Variants in NOX5 observed in about 807,000 individuals in gnomAD.
NOX5 encodes the protein NADPH oxidase, EF-hand calcium binding domain 5.
NOX5 carries 76 observed loss-of-function variants against 85.7 expected under a neutral mutation model. The ratio of observed to expected loss-of-function variants is 0.89; its 90% confidence interval spans 0.74 to 1.07. NOX5 has a LOEUF of 1.07. Ranked by LOEUF, NOX5 falls within the 50% of genes least tolerant of loss-of-function variation. The probability of loss-of-function intolerance (pLI) is 0.00; values close to 1 mark genes in which losing one functional copy is unlikely to be tolerated. For missense variants in NOX5, 973 were observed against 999.5 expected, an observed-to-expected ratio of 0.97 and a Z score of 0.36; for synonymous variants, 405 against 401.4, an observed-to-expected ratio of 1.01 and a Z score of -0.11.
chr15:69,053,819 G>A (rs2050778437), intron 14 of NOX5, among the ~76,000 whole-genome samples: 1 of 152,080 alleles, frequency 6.6e-6, no homozygotes, highest in South Asian at 2.1e-4. Context: ...TCTGAGGGAG[G>A]GTAAGAAGCA....
chr15:69,033,214 C>T lies in NOX5; in HGVS notation c.792C>T (p.Gly264=), dbSNP rs1269885380. The T allele has an allele frequency of 1.3e-6, 2 of 1,597,410 alleles. No individual in the cohort carries two copies. The highest frequency in any genetic ancestry group is 4.5e-5 in the East Asian group (2 of 44,778). Residue 264 remains glycine (G), a synonymous_variant, in exon 5 of 16, where the codon GGC becomes GGT. Transcript: ENST00000388866. Reference sequence around the variant, plus strand: ...CGGCCAGCGCGCACCGGGACCTCGGCGCCAGCGTCATGGTGGCCAAGGGCT... The same window carrying T: ...CGGCCAGCGCGCACCGGGACCTCGGTGCCAGCGTCATGGTGGCCAAGGGCT... ...GLAASAHRDL[G]ASVMVAKGCG...
At chr15:69,045,223 G>A (rs2050646549) in intron 10 of NOX5, among the ~76,000 whole-genome samples, 1 of 152,186 alleles carries the variant, frequency 6.6e-6, no homozygotes, top group South Asian at 2.1e-4. Context: ...CCTAACTTTT[G>A]CGTAAGAACT....
chr15:69,023,311 T>A (rs867400616), intron 1 of NOX5: 1 of 258,166 alleles, frequency 3.9e-6, no homozygotes, highest in Non-Finnish European at 7.6e-6. Context: ...ATCTCAGCTT[T>A]CAAGATCACC....
At chr15:69,042,243 A>G (rs1293947801) in intron 9 of NOX5, among the ~76,000 whole-genome samples, 1 of 152,190 alleles carries the variant, frequency 6.6e-6, no homozygotes, top group Non-Finnish European at 1.5e-5. Flanking sequence ...CACCTGCTAC[A>G]TCCCAGGCAT....
chr15:69,037,507 A>C, intron 8 of NOX5: 1 of 371,504 alleles, frequency 2.7e-6, no homozygotes, highest in Non-Finnish European at 5.0e-6. Flanking sequence ...CCAGGCCCTG[A>C]ACTAGGTTAC....
intron 10 of NOX5, chr15:69,046,439 C>A: frequency 5.6e-6 from 1 of 179,652 alleles, no homozygotes; most frequent in African/African-American, 2.4e-5. Flanking sequence ...AAGAATATTC[C>A]AGGCTAGTAG....
chr15:69,023,291 AAAG>A (rs1334481138), intron 1 of NOX5: 2 of 245,340 alleles, frequency 8.2e-6, no homozygotes, highest in Non-Finnish European at 1.6e-5. Context: ...AGGGTAAGAA[AAAG>A]AAGAGGATCT....
Position 69,062,321 on chromosome 15 carries a change from G to C in NOX5, c.*5625G>C, listed in dbSNP as rs960211560. On this transcript the variant is annotated 3_prime_UTR_variant, in exon 16 of 16. Coordinates refer to ENST00000388866, the MANE Select transcript of NOX5 (RefSeq NM_024505.4). ...AGCTTGGAAGACCACCCAGCTAACT[G>C]GTCTTCCTTTCTCCAGCCTGGCTCT... 2 of 151,862 alleles carry C rather than the reference G, an allele frequency of 1.3e-5. No homozygotes were observed. The highest frequency in any genetic ancestry group is 4.8e-5 in the African/African-American group (2 of 41,362). 9.4% of individuals were successfully genotyped at this position (151,862 alleles called of 1,614,324 possible). A position where few individuals can be genotyped will look rare whatever the true frequency, so the allele number is the denominator to read the frequency against.
intron 9 of NOX5, among the ~76,000 whole-genome samples, chr15:69,039,378 G>A (rs11629856): frequency 3.3e-5 from 5 of 151,258 alleles, no homozygotes; most frequent in South Asian, 2.1e-4. Flanking sequence ...GCTATGGGGG[G>A]TGGCGGGGGG....
intron 1 of NOX5, among the ~76,000 whole-genome samples, chr15:69,017,137 GTATTTATTTATT>G (rs148092449): frequency 1.3e-5 from 2 of 151,644 alleles, no homozygotes; most frequent in Non-Finnish European, 2.9e-5. Context: ...AAATTTCTAA[GTATTTATTTATT>G]TATTTATTTA....
At chr15:69,029,378 T>C (rs2050400363) in intron 3 of NOX5, 1 of 152,220 alleles carries the variant, frequency 6.6e-6, no homozygotes, top group African/African-American at 2.4e-5. Context: ...ATATGCCATA[T>C]TTTGTTTATC....
intron 11 of NOX5, chr15:69,047,132 C>G (rs951995331): frequency 4.3e-5 from 24 of 562,550 alleles, no homozygotes; most frequent in Non-Finnish European, 7.5e-5. Context: ...GCTCTCCATC[C>G]CTGTCTCCTG....
intron 14 of NOX5, among the ~76,000 whole-genome samples, chr15:69,054,198 C>G (rs968916753): frequency 1.3e-5 from 2 of 152,120 alleles, no homozygotes; most frequent in Non-Finnish European, 2.9e-5. Context: ...CTTTTTCTCA[C>G]CATGGCATAC....
At position 69,055,467 on chromosome 15, in the gene NOX5, G is replaced by A. The variant is rs139781334; in HGVS notation, c.2133G>A (p.Thr711=). Residue 711 remains threonine (T), a synonymous_variant, in exon 15 of 16, where the codon ACG becomes ACA. Coordinates refer to ENST00000388866, the MANE Select transcript of NOX5 (RefSeq NM_024505.4). The part of the protein sequence containing the change: ...EKKDSITGLQ[T]RTQPGRPDWS... The stretch of plus-strand genomic sequence containing the variant: ...AAGACTCCATCACGGGGCTGCAGAC[G>A]CGCACCCAGCCTGGGCGGCCTGACT... The A allele has an allele frequency of 3.9e-5, 63 of 1,614,002 alleles. No homozygotes were observed. Among genetic ancestry groups the A allele is most frequent in the African/African-American group, 6.7e-5 (5 of 74,930 alleles).
chr15:69,056,468 G>A (rs1425240352), intron 15 of NOX5, 97 bp from the exon 16 acceptor site: 6 of 1,494,398 alleles, frequency 4.0e-6, no homozygotes, highest in South Asian at 1.3e-5. Flanking sequence ...CATTGCTGCC[G>A]ACCCGTTATG....
intron 1 of NOX5, among the ~76,000 whole-genome samples, chr15:69,019,232 A>G (rs1395478789): frequency 1.3e-5 from 2 of 152,150 alleles, no homozygotes. Flanking sequence ...TGGGATGGTC[A>G]GAGGAGGCCC....
At position 69,059,995 on chromosome 15, in the gene NOX5, C is replaced by T. The variant is rs1343754536; in HGVS notation, c.*3299C>T. ...CGGTTCCTCCCAGGGCAAGGGGTTA[C>T]TTAAATGGAATTATCCTTACAAAGA... is the stretch of plus-strand genomic sequence containing the variant. On this transcript the variant is annotated 3_prime_UTR_variant, in exon 16 of 16. Coordinates refer to ENST00000388866, the MANE Select transcript of NOX5 (RefSeq NM_024505.4). 1 of 152,214 alleles carries T rather than the reference C, an allele frequency of 6.6e-6. No individual in the cohort carries two copies. Among genetic ancestry groups the T allele is most frequent in the African/African-American group, 2.4e-5 (1 of 41,450 alleles). 9.4% of individuals were successfully genotyped at this position (152,214 alleles called of 1,614,324 possible).
chr15:69,033,723 G>A lies in NOX5; in HGVS notation c.855+446G>A, dbSNP rs545300865. Among the ~76,000 whole-genome samples, 670 of 129,188 alleles carry A rather than the reference G, an allele frequency of 5.2e-3. 10 individuals are homozygous for A. Among genetic ancestry groups the A allele is most frequent in the African/African-American group, 0.019 (626 of 32,120 alleles). The allele number at this position is 129,188 out of a possible 152,430, so 84.8% of individuals were successfully genotyped here. A position where few individuals can be genotyped will look rare whatever the true frequency, so the allele number is the denominator to read the frequency against. ...TTTCTTTTTTTTTTTTTTTTGAGAC[G>A]GAATTTTGCTCTTGTTGCCCAGCTG... On this transcript the variant is annotated intron_variant, in intron 5 of 15. Coordinates refer to ENST00000388866, the MANE Select transcript of NOX5 (RefSeq NM_024505.4).
At position 69,037,054 on chromosome 15, in the gene NOX5, C is replaced by T. The variant is rs1481910312; in HGVS notation, c.1215C>T (p.Tyr405=). The T allele has an allele frequency of 6.2e-7, 1 of 1,613,958 alleles. No homozygotes were observed. Among genetic ancestry groups the T allele is most frequent in the Admixed American group, 1.7e-5 (1 of 60,022 alleles). ...FEVFYWTHLS[Y]LLVWLLLIFH... ...TGTTCTATTGGACTCACCTGTCCTACCTCCTCGTGTGGCTTCTGCTCATCT... is the reference window on the plus strand; with the variant it reads ...TGTTCTATTGGACTCACCTGTCCTATCTCCTCGTGTGGCTTCTGCTCATCT... Residue 405 remains tyrosine (Y), a synonymous_variant, in exon 8 of 16, where the codon TAC becomes TAT. Transcript: ENST00000388866.
Sources: gnomAD v4.1 joint callset for allele counts (sites outside exome capture counted in the v4.1 genomes callset) on GRCh38, gnomAD v4.1.1 for gene constraint, MANE v1.5 for transcripts, NCBI Gene and HGNC (gene_info 2026-07-23, HGNC 2026-07-21) for gene names.